The following C7 variants were observed in gnomAD, a reference collection of about 807,000 sequenced individuals.
The protein encoded by C7 is complement C7, also known as complement component C7.
In C7, 83 loss-of-function variants were observed where a neutral mutation model predicts 104.8. The observed-to-expected ratio is 0.79, with a 90% CI of 0.66 to 0.95. The LOEUF is 0.95. Ranked by LOEUF, C7 falls within the 40% of genes least tolerant of loss-of-function variation. The pLI, the probability that C7 is intolerant of heterozygous loss-of-function variation, is 0.00. For synonymous variants in C7, 415 were observed against 360.6 expected, an observed-to-expected ratio of 1.15 and a Z score of -1.71; for missense variants, 1,070 against 1,011.2, an observed-to-expected ratio of 1.06 and a Z score of -0.79.
chr5:40,912,484 T>A (rs1217219324), intron 1 of C7, among the ~76,000 whole-genome samples: 1 of 152,118 alleles, frequency 6.6e-6, no homozygotes, highest in Non-Finnish European at 1.5e-5. Context: ...GCTCAAGTGA[T>A]CCTCCCACCT....
intron 1 of C7, among the ~76,000 whole-genome samples, chr5:40,926,059 C>T (rs1739543945): frequency 6.6e-6 from 1 of 152,166 alleles, no homozygotes; most frequent in African/African-American, 2.4e-5. Flanking sequence ...AAAGTATCAT[C>T]TACCACGATC....
chr5:40,922,374 CAAAAAAAAAAAAA>C (rs869109946), intron 1 of C7, among the ~76,000 whole-genome samples: 2 of 43,074 alleles, frequency 4.6e-5, no homozygotes, highest in African/African-American at 1.3e-4. Flanking sequence ...GACTCTGTCT[CAAAAAAAAAAAAA>C]AAAAAAAAAA....
chr5:40,976,687 A>G, intron 15 of C7, 63 bp from the exon 16 acceptor site: 2 of 1,176,226 alleles, frequency 1.7e-6, no homozygotes, highest in Non-Finnish European at 2.5e-6. Flanking sequence ...AATTCATATA[A>G]TACCTTGTTT....
intron 1 of C7, among the ~76,000 whole-genome samples, chr5:40,911,888 G>C (rs148566232): frequency 6.6e-6 from 1 of 151,112 alleles, no homozygotes; most frequent in Non-Finnish European, 1.5e-5. Context: ...ACAGGCGTGC[G>C]CCACCATGCC....
At chr5:40,932,693 G>C (rs1038259402) in intron 3 of C7, among the ~76,000 whole-genome samples, 1 of 152,060 alleles carries the variant, frequency 6.6e-6, no homozygotes, top group African/African-American at 2.4e-5. Flanking sequence ...ACAAGCAAAG[G>C]TCAAAGAAAC....
chr5:40,947,846 G>T lies in C7; in HGVS notation c.982+1G>T, dbSNP rs759368140. 3 of 1,610,820 alleles carry T rather than the reference G, an allele frequency of 1.9e-6. No homozygotes were observed. The highest frequency in any genetic ancestry group is 2.7e-5 in the African/African-American group (2 of 74,704). On this transcript the variant is annotated splice_donor_variant, in intron 8 of 17. Coordinates refer to ENST00000313164, the MANE Select transcript of C7 (RefSeq NM_000587.4). LOFTEE classifies it high-confidence loss of function. ...GACTCAGAAAAATTAAAACAAAATG[G>T]TACAGTATTAAAAAATTCGTTGTCT...
chr5:40,958,374 A>G (rs539396735), intron 11 of C7, 113 bp downstream of exon 11: 1 of 613,288 alleles, frequency 1.6e-6, no homozygotes, highest in East Asian at 3.0e-5. Context: ...TCTCAAATGA[A>G]TTTAGAATCC....
At position 40,936,379 on chromosome 5, in the gene C7, G is replaced by A. The variant is rs374685042; in HGVS notation, c.322G>A (p.Asp108Asn). ...SKSLVCNGDS[D>N]CDEDSADEDR... The stretch of plus-strand genomic sequence containing the variant: ...ATCATTGGTTTGCAATGGGGATTCT[G>A]ACTGTGATGAAGACAGTGCTGATGA... Residue 108 changes from aspartate (D) to asparagine (N), a missense_variant, in exon 5 of 18, where the codon GAC becomes AAC. Asp to Asn is a conservative substitution (Grantham distance 23). Coordinates refer to ENST00000313164, the MANE Select transcript of C7 (RefSeq NM_000587.4). 20 of 1,613,302 alleles carry A rather than the reference G, an allele frequency of 1.2e-5. No individual in the cohort carries two copies. The African/African-American group carries it at 2.5e-4, about 20-fold the overall frequency.
intron 6 of C7, among the ~76,000 whole-genome samples, chr5:40,941,852 A>G (rs916533374): frequency 6.6e-6 from 1 of 152,212 alleles, no homozygotes; most frequent in Non-Finnish European, 1.5e-5. Flanking sequence ...TGAGCTGGAA[A>G]TAGACATTTG....
At chr5:40,981,248 G>A in intron 17 of C7, 144 bp from the exon 18 acceptor site, 2 of 798,376 alleles carry the variant, frequency 2.5e-6, no homozygotes, top group South Asian at 1.8e-5. Flanking sequence ...TGGTCCTACT[G>A]CTTTTCCAGG....
At chr5:40,951,748 G>A (rs1413280717) in intron 9 of C7, among the ~76,000 whole-genome samples, 1 of 152,180 alleles carries the variant, frequency 6.6e-6, no homozygotes, top group Non-Finnish European at 1.5e-5. Flanking sequence ...TTGGGGTAAT[G>A]GCAAAAGTGG....
chr5:40,947,285 A>C (rs1740069825), intron 7 of C7, among the ~76,000 whole-genome samples: 1 of 151,396 alleles, frequency 6.6e-6, no homozygotes. Flanking sequence ...TTTTTAGTAG[A>C]GACAGGGTTT....
rs1012153458 is a variant in C7 at position 40,982,325 on chromosome 5, G to A, written c.*752G>A. 6.7e-6 allele frequency: 1 copy of A among 148,662 alleles called. No individual in the cohort carries two copies. Among genetic ancestry groups the A allele is most frequent in the Non-Finnish European group, 1.5e-5 (1 of 65,762 alleles). The allele number at this position is 148,662 out of a possible 1,614,324, so 9.2% of individuals were successfully genotyped here. ...CGCCCAGCTAATTTTTGCATTTTTA[G>A]TAGAGATGGGGTTTCACCATGTTGG... On this transcript the variant is annotated 3_prime_UTR_variant, in exon 18 of 18. Coordinates refer to ENST00000313164, the MANE Select transcript of C7 (RefSeq NM_000587.4).
intron 6 of C7, among the ~76,000 whole-genome samples, chr5:40,943,708 T>TAC (rs1464862418): frequency 2.0e-5 from 3 of 147,642 alleles, no homozygotes; most frequent in African/African-American, 8.0e-5. Flanking sequence ...TATATATATA[T>TAC]ACACACAGAC....
Position 40,945,159 on chromosome 5 carries a change from T to C in C7, c.568-39T>C, listed in dbSNP as rs764635618. ...AGTATGCATGATAAAGGATCCAGCATTAATTTAGTCATAGCAAAATTTTTC... is the reference window on the plus strand; with the variant it reads ...AGTATGCATGATAAAGGATCCAGCACTAATTTAGTCATAGCAAAATTTTTC... On this transcript the variant is annotated intron_variant, in intron 6 of 17. Coordinates refer to ENST00000313164, the MANE Select transcript of C7 (RefSeq NM_000587.4). 15 of 1,126,496 alleles carry C rather than the reference T, an allele frequency of 1.3e-5. No individual in the cohort carries two copies. The South Asian group carries it at 2.0e-4, about 15-fold the overall frequency. 69.8% of individuals were successfully genotyped at this position (1,126,496 alleles called of 1,614,324 possible).
At chr5:40,964,152 C>T (rs890023487) in intron 13 of C7, among the ~76,000 whole-genome samples, 1 of 144,164 alleles carries the variant, frequency 6.9e-6, no homozygotes, top group African/African-American at 2.5e-5. Flanking sequence ...AGGTGATTCT[C>T]ATGTCTCAGC....
intron 1 of C7, among the ~76,000 whole-genome samples, chr5:40,921,617 G>A (rs1042418114): frequency 1.4e-5 from 2 of 147,264 alleles, no homozygotes. Flanking sequence ...AAAAAAAAAA[G>A]TAGTATGCTA....
intron 14 of C7, among the ~76,000 whole-genome samples, chr5:40,965,627 G>GAT (rs376480588): frequency 2.5e-4 from 31 of 123,050 alleles, no homozygotes; most frequent in Middle Eastern, 4.7e-3. Flanking sequence ...AGTGTATAGT[G>GAT]ATATATATAT....
intron 1 of C7, among the ~76,000 whole-genome samples, chr5:40,912,890 T>C (rs1561233719): frequency 6.6e-6 from 1 of 152,188 alleles, no homozygotes; most frequent in Non-Finnish European, 1.5e-5. Flanking sequence ...GCTTTCAGTG[T>C]ATCTATCTTC....
Sources: gnomAD v4.1 joint callset for allele counts (sites outside exome capture counted in the v4.1 genomes callset) on GRCh38, gnomAD v4.1.1 for gene constraint, MANE v1.5 for transcripts, NCBI Gene and HGNC (gene_info 2026-07-23, HGNC 2026-07-21) for gene names.